The following MALRD1 variants were observed in gnomAD, a reference collection of about 807,000 sequenced individuals.
The protein encoded by MALRD1 is MAM and LDL-receptor class A domain-containing protein 1.
In MALRD1, 247 loss-of-function variants were observed where a neutral mutation model predicts 242.1. The ratio of observed to expected loss-of-function variants is 1.02; its 90% confidence interval spans 0.92 to 1.13. MALRD1 has a LOEUF of 1.13. MALRD1 is among the 50% of genes most tolerant of loss of function. The pLI is 0.00. For synonymous variants in MALRD1, 995 were observed against 866.6 expected (o/e 1.15, Z -2.60); for missense variants, 2,989 against 2,533.1 (o/e 1.18, Z -3.86).
chr10:19,675,711 A>C (rs928045802), intron 36 of MALRD1, among the ~76,000 whole-genome samples: 1 of 152,248 alleles, frequency 6.6e-6, no homozygotes. Context: ...AATGTTAACT[A>C]CTGTTACTGT....
intron 28 of MALRD1, among the ~76,000 whole-genome samples, chr10:19,393,095 A>G (rs1156271517): frequency 6.6e-6 from 1 of 152,184 alleles, no homozygotes. Context: ...AAGTCTGCAT[A>G]ATTGGTTGGG....
intron 28 of MALRD1, among the ~76,000 whole-genome samples, chr10:19,405,913 T>C (rs977070632): frequency 6.6e-6 from 1 of 152,128 alleles, no homozygotes; most frequent in African/African-American, 2.4e-5. Context: ...ATAGAGTTTA[T>C]TTCCTGAAGT....
intron 28 of MALRD1, among the ~76,000 whole-genome samples, chr10:19,411,684 A>G (rs999214314): frequency 1.3e-5 from 2 of 152,178 alleles, no homozygotes; most frequent in African/African-American, 4.8e-5. Context: ...GTCAAGGTTT[A>G]GGACTCAAAG....
chr10:19,150,382 C>T (rs970062311), intron 11 of MALRD1, among the ~76,000 whole-genome samples: 2 of 151,670 alleles, frequency 1.3e-5, no homozygotes, highest in African/African-American at 4.9e-5. Flanking sequence ...TCGGTCCTTA[C>T]ATGGCAATTT....
intron 14 of MALRD1, among the ~76,000 whole-genome samples, chr10:19,175,552 T>C (rs1835196511): frequency 6.6e-6 from 1 of 150,514 alleles, no homozygotes; most frequent in Non-Finnish European, 1.5e-5. Context: ...ATTCTATGCT[T>C]GCAGCTGAAA....
chr10:19,054,747 A>G (rs544089851), intron 1 of MALRD1, among the ~76,000 whole-genome samples: 214 of 152,140 alleles, frequency 1.4e-3, no homozygotes, highest in African/African-American at 5.0e-3. Flanking sequence ...CCTTCTTTTT[A>G]TGACTGATAG....
At chr10:19,571,825 G>A (rs540258626) in intron 33 of MALRD1, among the ~76,000 whole-genome samples, 1 of 152,124 alleles carries the variant, frequency 6.6e-6, no homozygotes, top group East Asian at 1.9e-4. Context: ...ATGAACCAAG[G>A]CGCCTGAATT....
At chr10:19,047,010 G>C (rs1834353892), upstream of MALRD1, among the ~76,000 whole-genome samples, 1 of 152,138 alleles carries the variant, frequency 6.6e-6, no homozygotes, top group South Asian at 2.1e-4. Context: ...GCTACATTCA[G>C]AGTATGACAG....
intron 14 of MALRD1, among the ~76,000 whole-genome samples, chr10:19,180,611 A>G (rs1835462976): frequency 6.6e-6 from 1 of 152,200 alleles, no homozygotes; most frequent in Non-Finnish European, 1.5e-5. Flanking sequence ...TGAAATCATT[A>G]AACTCCTAGA....
intron 17 of MALRD1, 85 bp from the exon 18 acceptor site, chr10:19,209,183 A>T: frequency 6.4e-6 from 8 of 1,240,774 alleles, no homozygotes; most frequent in Non-Finnish European, 8.6e-6. Context: ...ATCAACTAGC[A>T]TTCTTTAAAT....
At chr10:19,064,991 A>G (rs1227235705) in intron 1 of MALRD1, among the ~76,000 whole-genome samples, 6 of 146,838 alleles carry the variant, frequency 4.1e-5, no homozygotes, top group Non-Finnish European at 9.1e-5. Context: ...GACTATTTAG[A>G]AATCCCTAGA....
At chr10:19,062,024 C>G (rs1385095215) in intron 1 of MALRD1, among the ~76,000 whole-genome samples, 1 of 152,020 alleles carries the variant, frequency 6.6e-6, no homozygotes. Flanking sequence ...AATCATACAT[C>G]TGATAAAAGA....
intron 29 of MALRD1, among the ~76,000 whole-genome samples, chr10:19,467,220 T>C (rs758366491): frequency 1.9e-5 from 1 of 53,356 alleles, no homozygotes; most frequent in Non-Finnish European, 4.0e-5. Flanking sequence ...CCGGGTGTGG[T>C]GGTGGGCGCC....
chr10:19,063,390 C>T (rs770886475), intron 1 of MALRD1, among the ~76,000 whole-genome samples: 26 of 152,078 alleles, frequency 1.7e-4, no homozygotes, highest in Non-Finnish European at 2.9e-4. Context: ...TGTTGTGTTG[C>T]TTTACCCAGA....
At chr10:19,584,385 C>G (rs1000050597) in intron 33 of MALRD1, among the ~76,000 whole-genome samples, 1 of 152,070 alleles carries the variant, frequency 6.6e-6, no homozygotes, top group African/African-American at 2.4e-5. Flanking sequence ...TCCCTCTACA[C>G]ACTGCTTTGA....
chr10:19,252,522 T>A (rs1839338032), intron 18 of MALRD1, among the ~76,000 whole-genome samples: 1 of 152,062 alleles, frequency 6.6e-6, no homozygotes. Flanking sequence ...TCAACATAAA[T>A]TTTGTTATGA....
At chr10:19,251,469 A>C (rs1050252389) in intron 18 of MALRD1, among the ~76,000 whole-genome samples, 1 of 151,972 alleles carries the variant, frequency 6.6e-6, no homozygotes, top group African/African-American at 2.4e-5. Flanking sequence ...TCTGACATGC[A>C]GGTAAACATC....
chr10:19,545,018 A>G (rs531394508), intron 32 of MALRD1, among the ~76,000 whole-genome samples: 1 of 152,280 alleles, frequency 6.6e-6, no homozygotes, highest in Non-Finnish European at 1.5e-5. Flanking sequence ...ATAGAAATGT[A>G]TTTCCTTATA....
At chr10:19,562,523 C>T (rs2131444681) in intron 32 of MALRD1, among the ~76,000 whole-genome samples, 1 of 152,130 alleles carries the variant, frequency 6.6e-6, no homozygotes, top group African/African-American at 2.4e-5. Flanking sequence ...GATTTTCTAC[C>T]CTTGTCTTAG....
Sources: allele counts gnomAD v4.1 joint callset (sites outside exome capture counted in the v4.1 genomes callset), GRCh38; gene constraint gnomAD v4.1.1; transcripts MANE v1.5; gene names NCBI Gene and HGNC (gene_info 2026-07-23, HGNC 2026-07-21).